Variants in ERCC4 observed in about 807,000 individuals in gnomAD.
The protein encoded by ERCC4 is DNA repair endonuclease XPF.
ERCC4 carries 65 observed loss-of-function variants against 76.9 expected under a neutral mutation model. That is an observed-to-expected ratio of 0.84 (90% confidence interval 0.69 to 1.04). The LOEUF (loss-of-function observed/expected upper bound fraction) is 1.04, where lower values mean the gene tolerates loss of function less well. ERCC4 is among the 50% of genes least tolerant of loss of function. ERCC4 has a pLI of 0.00. For synonymous variants in ERCC4, 463 were observed against 410.1 expected (o/e 1.13, Z -1.56); for missense variants, 1,214 against 1,128.2 (o/e 1.08, Z -1.09).
At chr16:13,939,387 T>C (rs1217333921) in intron 9 of ERCC4, among the ~76,000 whole-genome samples, 1 of 152,110 alleles carries the variant, frequency 6.6e-6, no homozygotes, top group Non-Finnish European at 1.5e-5. Context: ...ATTATAAATA[T>C]TGTAATAAGT....
rs758567128 is a variant in ERCC4, at chr16:13,935,344, A to AC, written c.1417dup (p.Gln473ProfsTer30). On this transcript the variant is annotated frameshift_variant, in exon 8 of 11. Transcript: ENST00000311895. LOFTEE classifies it high-confidence loss of function. ...AGGAAATCTCACAAAAGACCTAAAG[A>AC]CCCCCAAAACAAAGAACGGGCTTCT... 7.5e-6 allele frequency: 12 copies of AC among 1,609,964 alleles called. No homozygotes were observed. Among genetic ancestry groups the AC allele is most frequent in the Non-Finnish European group, 1.0e-5 (12 of 1,179,058 alleles).
intron 9 of ERCC4, among the ~76,000 whole-genome samples, chr16:13,938,833 A>G (rs537034138): frequency 9.2e-5 from 14 of 152,348 alleles, no homozygotes; most frequent in Admixed American, 7.8e-4. Flanking sequence ...TGTGCAAAAT[A>G]TACATATAAC....
Position 13,950,031 on chromosome 16 carries a change from G to C in ERCC4, c.*1684G>C, listed in dbSNP as rs148155845. ...GGCTGGAGTGCAGTGGCGCAATCTC[G>C]GCTCACTGCAACCTCGCCTGCTGGG... is the stretch of plus-strand genomic sequence containing the variant. On this transcript the variant is annotated 3_prime_UTR_variant, in exon 11 of 11. Transcript: ENST00000311895. 1 of 203,108 alleles carries C rather than the reference G, an allele frequency of 4.9e-6. No individual in the cohort carries two copies. The highest frequency in any genetic ancestry group is 6.0e-5 in the Admixed American group (1 of 16,758). The allele number at this position is 203,108 out of a possible 1,614,324, so 12.6% of individuals were successfully genotyped here. A position where few individuals can be genotyped will look rare whatever the true frequency, so the allele number is the denominator to read the frequency against.
At chr16:13,942,614 T>C (rs3136195) in intron 9 of ERCC4, among the ~76,000 whole-genome samples, 10,299 of 152,250 alleles carry the variant, frequency 0.068, 388 homozygotes, top group African/African-American at 0.092. Flanking sequence ...TAAATTATTA[T>C]CCTCATTTTA....
At chr16:13,930,052 G>GA (rs2032144538) in intron 4 of ERCC4, among the ~76,000 whole-genome samples, 1 of 152,002 alleles carries the variant, frequency 6.6e-6, no homozygotes, top group African/African-American at 2.4e-5. Flanking sequence ...AAACACTAAA[G>GA]AAATTTTTAC....
Position 13,948,283 on chromosome 16 carries a change from A to G in ERCC4, c.2687A>G (p.Gln896Arg). ...SILGNAANAK[Q>R]LYDFIHTSFA... ...CTGGGGAATGCTGCAAATGCCAAAC[A>G]GCTTTATGATTTCATTCACACCTCT... Residue 896 changes from glutamine to arginine, a missense_variant, in exon 11 of 11, where the codon CAG becomes CGG. Gln to Arg is a conservative substitution (Grantham distance 43). Transcript: ENST00000311895. 6.2e-7 allele frequency: 1 copy of G among 1,614,068 alleles called. No homozygotes were observed. Among genetic ancestry groups the G allele is most frequent in the East Asian group, 2.2e-5 (1 of 44,866 alleles).
Position 13,920,301 on chromosome 16 carries a change from T to A in ERCC4, c.136T>A (p.Tyr46Asn). 6.2e-7 allele frequency: 1 copy of A among 1,603,594 alleles called. No homozygotes were observed. Among genetic ancestry groups the A allele is most frequent in the Non-Finnish European group, 8.5e-7 (1 of 1,179,672 alleles). Residue 46 changes from tyrosine (Y) to asparagine (N), a missense_variant, in exon 1 of 11, where the codon TAC becomes AAC. Transcript: ENST00000311895. ...CGGGCTCGGCGCGGACCGGCTCCTCTACCACTTTCTCCAGCTGCACTGCCA... is the reference window on the plus strand; with the variant it reads ...CGGGCTCGGCGCGGACCGGCTCCTCAACCACTTTCTCCAGCTGCACTGCCA... ...ARGLGADRLL[Y>N]HFLQLHCHPA... is the part of the protein sequence containing the mutation.
In ERCC4 at chr16:13,920,505, GAGA is replaced by G. The variant is rs902773414; in HGVS notation, c.207+136_207+138del. On this transcript the variant is annotated intron_variant, in intron 1 of 10. Transcript: ENST00000311895. ...GCCCCTGACACTACGCGATGACACA[GAGA>G]AGGATGGCAGGGGTCCCCAGGGGGA... is the stretch of plus-strand genomic sequence containing the variant. 4 of 852,162 alleles carry G rather than the reference GAGA, an allele frequency of 4.7e-6. No homozygotes were observed. In the African/African-American group the frequency reaches 6.7e-5, roughly 14 times the overall value. The allele number at this position is 852,162 out of a possible 1,614,324, so 52.8% of individuals were successfully genotyped here. A position where few individuals can be genotyped will look rare whatever the true frequency, so the allele number is the denominator to read the frequency against.
At position 13,922,387 on chromosome 16, in the gene ERCC4, G is replaced by A. The variant is rs563647036; in HGVS notation, c.388+176G>A. ...AGCACCCACAGGTCTAAATCTGGGT[G>A]GGGGTGTTCGGTCCTTGCAGGCTTC... On this transcript the variant is annotated intron_variant, in intron 2 of 10. Coordinates refer to ENST00000311895, the MANE Select transcript of ERCC4 (RefSeq NM_005236.3). 51 of 759,614 alleles carry A rather than the reference G, an allele frequency of 6.7e-5. No individual in the cohort carries two copies. The African/African-American group carries it at 7.3e-4, about 11-fold the overall frequency. The allele number at this position is 759,614 out of a possible 1,614,324, so 47.1% of individuals were successfully genotyped here.
chr16:13,921,508 TAGGGCCTAAGGCAACACAC>T (rs2031976155), intron 1 of ERCC4, among the ~76,000 whole-genome samples: 2 of 152,256 alleles, frequency 1.3e-5, no homozygotes, highest in African/African-American at 2.4e-5. Context: ...GTGCTTGGCA[TAGGGCCTAAGGCAACACAC>T]AGGGCCTAGT....
chr16:13,926,348 C>G (rs1362648750), intron 2 of ERCC4, among the ~76,000 whole-genome samples: 1 of 152,170 alleles, frequency 6.6e-6, no homozygotes, highest in Non-Finnish European at 1.5e-5. Context: ...ATTTTTTCTT[C>G]TCAGCACTTG....
chr16:13,930,403 CT>C (rs2032150093), intron 4 of ERCC4, among the ~76,000 whole-genome samples: 1 of 151,994 alleles, frequency 6.6e-6, no homozygotes, highest in Non-Finnish European at 1.5e-5. Context: ...CTTTTCTCCC[CT>C]GACAGTAATA....
chr16:13,949,794 G>T lies in ERCC4; in HGVS notation c.*1447G>T. 1 of 231,720 alleles carries T rather than the reference G, an allele frequency of 4.3e-6. No individual in the cohort carries two copies. Among genetic ancestry groups the T allele is most frequent in the Non-Finnish European group, 8.5e-6 (1 of 117,254 alleles). 14.4% of individuals were successfully genotyped at this position (231,720 alleles called of 1,614,324 possible). On this transcript the variant is annotated 3_prime_UTR_variant, in exon 11 of 11. Coordinates refer to ENST00000311895, the MANE Select transcript of ERCC4 (RefSeq NM_005236.3). ...GCTTTTGTTCACATGTTGAGTAATG[G>T]GTAGTAAATTTTCTACCTCAGGAGC... is the stretch of plus-strand genomic sequence containing the variant.
chr16:13,922,545 C>T (rs2031998566), intron 2 of ERCC4: 4 of 723,030 alleles, frequency 5.5e-6, no homozygotes, highest in Non-Finnish European at 7.6e-6. Flanking sequence ...CTGTGGCCTC[C>T]ACTGTGTTTT....
chr16:13,944,707 A>G lies in ERCC4; in HGVS notation c.1905-16A>G, dbSNP rs747065468. 4 of 1,550,596 alleles carry G rather than the reference A, an allele frequency of 2.6e-6. No homozygotes were observed. Among genetic ancestry groups the G allele is most frequent in the Admixed American group, 1.7e-5 (1 of 59,924 alleles). ...GAAATTTGTTTCAGAAGTGTTGACA[A>G]TGTTTTCTCCCACAGGGAAAAAGCA... On this transcript the variant is annotated splice_polypyrimidine_tract_variant and intron_variant, in intron 9 of 10. Coordinates refer to ENST00000311895, the MANE Select transcript of ERCC4 (RefSeq NM_005236.3).
At position 13,949,035 on chromosome 16, in the gene ERCC4, A is replaced by G. The variant is rs1486589012; in HGVS notation, c.*688A>G. ...GGAAATTTCATGGAGCCTTCCTACT[A>G]CTAATTCAAGACAGTCTCCTCAAAA... On this transcript the variant is annotated 3_prime_UTR_variant, in exon 11 of 11. Coordinates refer to ENST00000311895, the MANE Select transcript of ERCC4 (RefSeq NM_005236.3). 2 of 232,872 alleles carry G rather than the reference A, an allele frequency of 8.6e-6. No individual in the cohort carries two copies. Among genetic ancestry groups the G allele is most frequent in the Non-Finnish European group, 1.7e-5 (2 of 117,884 alleles). 14.4% of individuals were successfully genotyped at this position (232,872 alleles called of 1,614,324 possible). A position where few individuals can be genotyped will look rare whatever the true frequency, so the allele number is the denominator to read the frequency against.
intron 9 of ERCC4, among the ~76,000 whole-genome samples, chr16:13,943,186 TA>T (rs1219206983): frequency 6.6e-6 from 1 of 152,256 alleles, no homozygotes; most frequent in Non-Finnish European, 1.5e-5. Flanking sequence ...TGCTCTAAAA[TA>T]TTTATCCAGA....
chr16:13,930,080 CGTT>C (rs1429851116), intron 4 of ERCC4, among the ~76,000 whole-genome samples: 2 of 152,060 alleles, frequency 1.3e-5, no homozygotes, highest in Non-Finnish European at 2.9e-5. Context: ...AATTATGGTA[CGTT>C]GTTATTTAAT....
rs763789929 is a variant in ERCC4, at chr16:13,920,401, G to A, written c.207+29G>A. The A allele has an allele frequency of 5.2e-5, 80 of 1,536,206 alleles. No homozygotes were observed. In the African/African-American group the frequency reaches 9.3e-4, roughly 18 times the overall value. On this transcript the variant is annotated intron_variant, in intron 1 of 10. Coordinates refer to ENST00000311895, the MANE Select transcript of ERCC4 (RefSeq NM_005236.3). Reference sequence around the variant, plus strand: ...CGGCCGCGCTGGCGCGGGAGTGAGGGGACTCCGAGAGTGTTGAGGGCCTCC... The same window carrying A: ...CGGCCGCGCTGGCGCGGGAGTGAGGAGACTCCGAGAGTGTTGAGGGCCTCC...
Sources: gnomAD v4.1 joint callset for allele counts (sites outside exome capture counted in the v4.1 genomes callset) on GRCh38, gnomAD v4.1.1 for gene constraint, MANE v1.5 for transcripts, NCBI Gene and HGNC (gene_info 2026-07-23, HGNC 2026-07-21) for gene names.